The following GRID2 variants were observed in gnomAD, a reference collection of about 807,000 sequenced individuals.
The protein encoded by GRID2 is glutamate ionotropic receptor delta type subunit 2.
In GRID2, 33 loss-of-function variants were observed where a neutral mutation model predicts 114.8. The ratio of observed to expected loss-of-function variants is 0.29; its 90% CI spans 0.22 to 0.38. GRID2 has a LOEUF of 0.38. Among genes scored for constraint, GRID2 ranks in the 10% least tolerant of loss-of-function variants. GRID2 has a pLI of 1.00. For synonymous variants in GRID2, 505 were observed against 449.9 expected, an observed-to-expected ratio of 1.12 and a Z score of -1.55; for missense variants, 1,184 against 1,257.7, an observed-to-expected ratio of 0.94 and a Z score of 0.89.
intron 2 of GRID2, among the ~76,000 whole-genome samples, chr4:92,783,456 A>G (rs1369897919): frequency 6.6e-6 from 1 of 152,102 alleles, no homozygotes. Context: ...ATTAAAATCC[A>G]ATTAGTAAAA....
intron 2 of GRID2, among the ~76,000 whole-genome samples, chr4:92,719,527 A>T (rs532489787): frequency 1.7e-4 from 26 of 152,324 alleles, no homozygotes; most frequent in African/African-American, 6.0e-4. Flanking sequence ...AACATTGCTT[A>T]ATAGCAACTA....
At chr4:93,447,646 T>C (rs768373654) in intron 10 of GRID2, among the ~76,000 whole-genome samples, 1 of 151,900 alleles carries the variant, frequency 6.6e-6, no homozygotes, top group Non-Finnish European at 1.5e-5. Flanking sequence ...ATATGTCCAA[T>C]ATGACAAAAA....
intron 1 of GRID2, among the ~76,000 whole-genome samples, chr4:92,432,060 A>G (rs1410692568): frequency 6.6e-6 from 1 of 152,094 alleles, no homozygotes; most frequent in African/African-American, 2.4e-5. Context: ...CAGGCGGGGA[A>G]TCTTGTTCTT....
intron 4 of GRID2, among the ~76,000 whole-genome samples, chr4:93,132,697 G>T (rs1446142597): frequency 6.6e-6 from 1 of 152,180 alleles, no homozygotes; most frequent in Non-Finnish European, 1.5e-5. Context: ...AATTGGCAAA[G>T]GAATTTCATA....
intron 8 of GRID2, among the ~76,000 whole-genome samples, chr4:93,391,690 C>T (rs1764866402): frequency 1.3e-5 from 2 of 151,982 alleles, no homozygotes; most frequent in Admixed American, 6.6e-5. Flanking sequence ...TAATGTAAAA[C>T]CCAAGAGTCA....
At chr4:93,766,090 G>A (rs944979715) in intron 14 of GRID2, among the ~76,000 whole-genome samples, 6 of 152,136 alleles carry the variant, frequency 3.9e-5, no homozygotes, top group African/African-American at 1.4e-4. Flanking sequence ...CTGCTCTGTA[G>A]GAGGCAATAT....
intron 1 of GRID2, among the ~76,000 whole-genome samples, chr4:92,445,043 T>C (rs1038018851): frequency 6.6e-6 from 1 of 152,178 alleles, no homozygotes; most frequent in Non-Finnish European, 1.5e-5. Context: ...ATCTGGACTT[T>C]AGCGAGTCAT....
At chr4:93,744,063 G>C (rs1731634949) in intron 14 of GRID2, among the ~76,000 whole-genome samples, 1 of 152,190 alleles carries the variant, frequency 6.6e-6, no homozygotes, top group South Asian at 2.1e-4. Flanking sequence ...TCTGTTTATA[G>C]CTTGGTTTAT....
chr4:93,025,729 AT>A (rs1007822789), intron 2 of GRID2, among the ~76,000 whole-genome samples: 8 of 151,710 alleles, frequency 5.3e-5, no homozygotes, highest in Non-Finnish European at 1.2e-4. Flanking sequence ...AAATATAACC[AT>A]TTTCACTTGG....
chr4:92,964,089 G>T (rs1752986014), intron 2 of GRID2, among the ~76,000 whole-genome samples: 1 of 151,944 alleles, frequency 6.6e-6, no homozygotes. Flanking sequence ...AAGCTTTGTT[G>T]TTCCATTAAT....
chr4:92,460,032 C>CTCTCTCTCTATATATATA (rs749790235), intron 1 of GRID2, among the ~76,000 whole-genome samples: 9 of 48,436 alleles, frequency 1.9e-4, no homozygotes, highest in African/African-American at 8.1e-4. Context: ...ATAAATCTCA[C>CTCTCTCTCTATATATATA]TATATATATA....
At chr4:92,671,721 A>C (rs1733081427) in intron 2 of GRID2, among the ~76,000 whole-genome samples, 1 of 152,142 alleles carries the variant, frequency 6.6e-6, no homozygotes, top group Non-Finnish European at 1.5e-5. Flanking sequence ...GGATAGTGAG[A>C]AGCAAGGAGG....
At chr4:92,792,635 A>T (rs924171203) in intron 2 of GRID2, among the ~76,000 whole-genome samples, 2 of 151,848 alleles carry the variant, frequency 1.3e-5, no homozygotes, top group Non-Finnish European at 2.9e-5. Context: ...TGGTCTAAAA[A>T]TGTAATTGTT....
intron 7 of GRID2, among the ~76,000 whole-genome samples, chr4:93,231,612 G>A (rs538408679): frequency 1.3e-5 from 2 of 152,062 alleles, no homozygotes; most frequent in Non-Finnish European, 2.9e-5. Context: ...TGCCATGGAC[G>A]GGAATTGTTC....
intron 2 of GRID2, among the ~76,000 whole-genome samples, chr4:92,630,364 T>C (rs1730743426): frequency 6.6e-6 from 1 of 152,172 alleles, no homozygotes; most frequent in Non-Finnish European, 1.5e-5. Flanking sequence ...CTCAGTTATT[T>C]GTACTTGTAA....
In GRID2 at chr4:92,974,578, A is replaced by G. The variant is rs565126700; in HGVS notation, c.245-110417A>G. 5.9e-5 allele frequency among the ~76,000 whole-genome samples: 9 copies of G among 152,240 alleles called. No individual in the cohort carries two copies. The South Asian group carries it at 1.7e-3, about 28-fold the overall frequency. On this transcript the variant is annotated intron_variant, in intron 2 of 15. Transcript: ENST00000282020. ...TGGAAACCATCATTCTCAGCAAACT[A>G]TCACAAGATCAGAAAACCATCTGCA...
At chr4:92,662,351 G>A (rs530743192) in intron 2 of GRID2, among the ~76,000 whole-genome samples, 1 of 150,960 alleles carries the variant, frequency 6.6e-6, no homozygotes, top group Non-Finnish European at 1.5e-5. Context: ...TGACCAAAAG[G>A]ATTCTTAGGA....
At chr4:93,190,194 TAAAAAG>T (rs1417974233) in intron 4 of GRID2, among the ~76,000 whole-genome samples, 1 of 152,114 alleles carries the variant, frequency 6.6e-6, no homozygotes, top group African/African-American at 2.4e-5. Flanking sequence ...TTTATTAAAA[TAAAAAG>T]AAACAACAAA....
At chr4:93,742,966 T>C (rs565616943) in intron 14 of GRID2, among the ~76,000 whole-genome samples, 1 of 152,350 alleles carries the variant, frequency 6.6e-6, no homozygotes, top group South Asian at 2.1e-4. Context: ...AAAGCTGAGA[T>C]AGGCCAAAAG....
Sources: gnomAD v4.1 joint callset for allele counts (sites outside exome capture counted in the v4.1 genomes callset) on GRCh38, gnomAD v4.1.1 for gene constraint, MANE v1.5 for transcripts, NCBI Gene and HGNC (gene_info 2026-07-23, HGNC 2026-07-21) for gene names.